The following ADGB variants were observed in gnomAD, a reference collection of about 807,000 sequenced individuals.
ADGB encodes calpain-7-like protein.
A neutral mutation model predicts 210.5 loss-of-function variants in ADGB; 172 were observed. The ratio of observed to expected loss-of-function variants is 0.82; its 90% CI spans 0.72 to 0.93. The LOEUF is 0.93. ADGB is among the 40% of genes least tolerant of loss of function. ADGB has a pLI of 0.00. For missense variants in ADGB, 2,025 were observed against 1,964.8 expected, an observed-to-expected ratio of 1.03 and a Z score of -0.58; for synonymous variants, 658 against 662.7, an observed-to-expected ratio of 0.99 and a Z score of 0.11.
At chr6:146,674,535 G>A (rs1257825285) in intron 8 of ADGB, among the ~76,000 whole-genome samples, 2 of 152,166 alleles carry the variant, frequency 1.3e-5, no homozygotes, top group East Asian at 3.9e-4. Flanking sequence ...GTGGATACAG[G>A]TGTAGGTGGG....
intron 29 of ADGB, among the ~76,000 whole-genome samples, chr6:146,773,261 G>C (rs981346406): frequency 1.4e-5 from 2 of 143,370 alleles, no homozygotes; most frequent in African/African-American, 5.0e-5. Flanking sequence ...ATGCGTAGAA[G>C]AAGAAAAGGC....
At chr6:146,663,173 AT>A (rs1775889225) in intron 5 of ADGB, among the ~76,000 whole-genome samples, 5 of 141,020 alleles carry the variant, frequency 3.5e-5, no homozygotes, top group African/African-American at 1.3e-4. Flanking sequence ...TTTATTATAT[AT>A]TATATATTAT....
At chr6:146,795,072 A>G (rs758276521) in intron 33 of ADGB, among the ~76,000 whole-genome samples, 1 of 152,214 alleles carries the variant, frequency 6.6e-6, no homozygotes, top group Non-Finnish European at 1.5e-5. Context: ...ATAAATAAAA[A>G]TTAAAGAAAA....
intron 13 of ADGB, among the ~76,000 whole-genome samples, chr6:146,714,660 T>C (rs1045467904): frequency 3.3e-5 from 5 of 152,174 alleles, no homozygotes; most frequent in African/African-American, 1.2e-4. Context: ...TCAACCCATG[T>C]CGGTGTTTTA....
At chr6:146,798,680 A>G (rs560270155) in intron 33 of ADGB, among the ~76,000 whole-genome samples, 7 of 152,232 alleles carry the variant, frequency 4.6e-5, no homozygotes, top group Non-Finnish European at 2.9e-5. Context: ...AAAACAGAAA[A>G]AAAAAAAACT....
At chr6:146,805,093 C>A (rs1304873802) in intron 35 of ADGB, among the ~76,000 whole-genome samples, 1 of 152,188 alleles carries the variant, frequency 6.6e-6, no homozygotes, top group Non-Finnish European at 1.5e-5. Flanking sequence ...AATAGAGCAA[C>A]CTTCTTATCA....
intron 10 of ADGB, among the ~76,000 whole-genome samples, chr6:146,690,081 CCTT>C (rs1776281334): frequency 6.6e-6 from 1 of 152,236 alleles, no homozygotes; most frequent in East Asian, 1.9e-4. Flanking sequence ...CTGATTAACT[CCTT>C]CTTAAAATTA....
intron 1 of ADGB, among the ~76,000 whole-genome samples, chr6:146,608,341 T>A (rs943102738): frequency 4.6e-5 from 7 of 152,036 alleles, no homozygotes; most frequent in African/African-American, 1.7e-4. Context: ...GTTTTGTTGA[T>A]CTCTTGTATG....
intron 8 of ADGB, among the ~76,000 whole-genome samples, chr6:146,673,316 C>A (rs1231933026): frequency 6.6e-6 from 1 of 152,132 alleles, no homozygotes; most frequent in African/African-American, 2.4e-5. Context: ...CAGCTATAAA[C>A]ATGTAATGAC....
At chr6:146,613,630 G>A (rs1780743738) in intron 1 of ADGB, among the ~76,000 whole-genome samples, 1 of 152,104 alleles carries the variant, frequency 6.6e-6, no homozygotes, top group African/African-American at 2.4e-5. Flanking sequence ...GCATCAGTAT[G>A]TTTATATGTG....
At position 146,733,113 on chromosome 6, in the gene ADGB, G is replaced by C; in HGVS notation, c.2521-7G>C. 8.7e-7 allele frequency: 1 copy of C among 1,143,990 alleles called. No homozygotes were observed. The highest frequency in any genetic ancestry group is 1.2e-6 in the Non-Finnish European group (1 of 843,230). The allele number at this position is 1,143,990 out of a possible 1,614,324, so 70.9% of individuals were successfully genotyped here. On this transcript the variant is annotated splice_polypyrimidine_tract_variant and splice_region_variant and intron_variant, in intron 20 of 35. Transcript: ENST00000397944. ...TTCTTGCTATAAAAAAAATTTATGTGTTTCAGGTTTTTCATCTTTCCTTAT... is the reference window on the plus strand; with the variant it reads ...TTCTTGCTATAAAAAAAATTTATGTCTTTCAGGTTTTTCATCTTTCCTTAT...
chr6:146,717,714 T>A (rs1050192125), intron 16 of ADGB, 115 bp downstream of exon 16: 3 of 529,874 alleles, frequency 5.7e-6, no homozygotes, highest in Non-Finnish European at 9.4e-6. Context: ...GTTATATTTT[T>A]AAAAATTAAT....
intron 10 of ADGB, 79 bp from the exon 11 acceptor site, chr6:146,691,037 C>A: frequency 7.9e-7 from 1 of 1,267,660 alleles, no homozygotes; most frequent in Non-Finnish European, 1.1e-6. Flanking sequence ...TTGCTCTGTT[C>A]GTGATAGTAT....
Position 146,807,341 on chromosome 6 carries a change from T to C in ADGB, c.4818+5330T>C, listed in dbSNP as rs568574613. 108 of 1,498,692 alleles carry C rather than the reference T, an allele frequency of 7.2e-5. 1 individual carries two copies. The East Asian group carries it at 2.5e-3, about 35-fold the overall frequency. 92.8% of individuals were successfully genotyped at this position (1,498,692 alleles called of 1,614,324 possible). A position where few individuals can be genotyped will look rare whatever the true frequency, so the allele number is the denominator to read the frequency against. On this transcript the variant is annotated intron_variant, in intron 35 of 35. Coordinates refer to ENST00000397944, the MANE Select transcript of ADGB (RefSeq NM_024694.4). The stretch of plus-strand genomic sequence containing the variant: ...AGGCTAAAGGAATTTCATTTTTTTC[T>C]TTCTGGGAACGTAAGCCTTTACCAG...
chr6:146,788,050 C>G (rs905996043), intron 32 of ADGB, among the ~76,000 whole-genome samples: 1 of 152,180 alleles, frequency 6.6e-6, no homozygotes, highest in African/African-American at 2.4e-5. Context: ...TATTATGAAG[C>G]ATTGTCAGCA....
At chr6:146,729,707 G>T (rs1021820344) in intron 20 of ADGB, among the ~76,000 whole-genome samples, 2 of 152,176 alleles carry the variant, frequency 1.3e-5, no homozygotes, top group African/African-American at 4.8e-5. Context: ...GCCTCCCAAA[G>T]TTCTGGGGTT....
At chr6:146,680,685 C>A (rs1472468992) in intron 9 of ADGB, among the ~76,000 whole-genome samples, 3 of 152,140 alleles carry the variant, frequency 2.0e-5, no homozygotes, top group Non-Finnish European at 4.4e-5. Context: ...GGTTGAAAAT[C>A]TGCTATTCTA....
intron 14 of ADGB, 44 bp from the exon 15 acceptor site, chr6:146,716,839 G>A: frequency 6.9e-7 from 1 of 1,447,256 alleles, no homozygotes; most frequent in East Asian, 2.5e-5. Context: ...TCAATAACTT[G>A]TTATTTAACA....
intron 32 of ADGB, among the ~76,000 whole-genome samples, chr6:146,788,088 C>T (rs1367247441): frequency 2.0e-5 from 3 of 152,272 alleles, no homozygotes; most frequent in Middle Eastern, 3.4e-3. Context: ...CCTCCAGGGC[C>T]GACCTTCACA....
Sources: gnomAD v4.1 joint callset for allele counts (sites outside exome capture counted in the v4.1 genomes callset) on GRCh38, gnomAD v4.1.1 for gene constraint, MANE v1.5 for transcripts, NCBI Gene and HGNC (gene_info 2026-07-23, HGNC 2026-07-21) for gene names.